The following NCOA2 variants were observed in gnomAD, a reference collection of about 807,000 sequenced individuals.
NCOA2 encodes nuclear receptor coactivator 2, also known as class E basic helix-loop-helix protein 75.
A neutral mutation model predicts 145.1 loss-of-function variants in NCOA2; 21 were observed. The observed-to-expected ratio is 0.14, with a 90% CI of 0.10 to 0.21. NCOA2 has a LOEUF of 0.21. Among genes scored for constraint, NCOA2 ranks in the 10% least tolerant of loss-of-function variants. The probability of loss-of-function intolerance (pLI) is 1.00; values close to 1 mark genes in which losing one functional copy is unlikely to be tolerated. For synonymous variants in NCOA2, 619 were observed against 637.5 expected, an observed-to-expected ratio of 0.97 and a Z score of 0.44; for missense variants, 1,472 against 1,837.6, an observed-to-expected ratio of 0.80 and a Z score of 3.64.
At chr8:70,157,946 A>G (rs1812472994) in intron 10 of NCOA2, among the ~76,000 whole-genome samples, 1 of 152,180 alleles carries the variant, frequency 6.6e-6, no homozygotes, top group Non-Finnish European at 1.5e-5. Flanking sequence ...ACTCCATTCC[A>G]TCTCCTTACT....
At chr8:70,197,852 A>T (rs1162389732) in intron 4 of NCOA2, among the ~76,000 whole-genome samples, 8 of 139,574 alleles carry the variant, frequency 5.7e-5, no homozygotes, top group African/African-American at 2.2e-4. Flanking sequence ...TTTTTTTTTT[A>T]AAGACAAGGC....
At chr8:70,304,590 T>G (rs142018780) in intron 1 of NCOA2, among the ~76,000 whole-genome samples, 1 of 151,988 alleles carries the variant, frequency 6.6e-6, no homozygotes, top group Non-Finnish European at 1.5e-5. Context: ...TTCAGCCTCC[T>G]GAGTGGCTAG....
chr8:70,142,936 C>A (rs189792535), intron 13 of NCOA2, among the ~76,000 whole-genome samples: 1 of 150,790 alleles, frequency 6.6e-6, no homozygotes, highest in African/African-American at 2.4e-5. Flanking sequence ...CCCTCTCAGT[C>A]TGTGTTTTGT....
intron 4 of NCOA2, among the ~76,000 whole-genome samples, chr8:70,199,097 C>T (rs79723994): frequency 1.3e-5 from 2 of 151,968 alleles, no homozygotes; most frequent in East Asian, 3.9e-4. Context: ...GAAGAAAGGG[C>T]CAAGGTTTAG....
intron 1 of NCOA2, 117 bp downstream of exon 1, chr8:70,403,583 G>T: frequency 3.2e-6 from 1 of 311,620 alleles, no homozygotes. Flanking sequence ...GAGGCGCACG[G>T]CTCTGTCGGA....
chr8:70,294,387 C>G (rs1001855268), intron 2 of NCOA2, among the ~76,000 whole-genome samples: 1 of 152,110 alleles, frequency 6.6e-6, no homozygotes, highest in Admixed American at 6.5e-5. Flanking sequence ...AATGCTGATT[C>G]ATATTAATAG....
chr8:70,303,340 A>T (rs1288747352), intron 1 of NCOA2, among the ~76,000 whole-genome samples: 3 of 152,350 alleles, frequency 2.0e-5, no homozygotes, highest in Admixed American at 6.5e-5. Flanking sequence ...CCTAAAAGAC[A>T]AGAGGAAGAC....
intron 1 of NCOA2, among the ~76,000 whole-genome samples, chr8:70,313,218 G>C (rs944142779): frequency 1.3e-5 from 2 of 152,092 alleles, no homozygotes; most frequent in Admixed American, 6.5e-5. Context: ...TAGCTAATCT[G>C]AATTTATCTT....
intron 4 of NCOA2, among the ~76,000 whole-genome samples, chr8:70,212,181 C>T (rs1429503516): frequency 6.6e-6 from 1 of 151,492 alleles, no homozygotes; most frequent in African/African-American, 2.4e-5. Context: ...AAACCTAAAA[C>T]AAGAAGCTTA....
chr8:70,202,002 T>C (rs982382394), intron 4 of NCOA2, among the ~76,000 whole-genome samples: 2 of 152,244 alleles, frequency 1.3e-5, no homozygotes, highest in African/African-American at 4.8e-5. Context: ...ATAAATATTA[T>C]GATACTTGAC....
Position 70,131,941 on chromosome 8 carries a change from T to C in NCOA2, c.3220A>G (p.Ser1074Gly). Residue 1074 changes from serine (S) to glycine (G), a missense_variant, in exon 16 of 23, where the codon AGT becomes GGT. Physicochemically the swap from Ser to Gly is moderately conservative, Grantham distance 56. This residue lies in a region of NCOA2 where 953 missense variants were observed against 1,062.1 expected (regional missense o/e 0.90). Transcript: ENST00000452400. ...TGGTCCAGGAGAGCTCCCTCATCAC[T>C]CGGAGACTCAGCTGCAGGATGTGGA... ...LCPHPAAESP[S>G]DEGALLDQLY... is the part of the protein sequence containing the mutation. 6.2e-7 allele frequency: 1 copy of C among 1,611,406 alleles called. No homozygotes were observed.
chr8:70,140,593 GTT>G (rs71558582), intron 14 of NCOA2, among the ~76,000 whole-genome samples: 2 of 79,782 alleles, frequency 2.5e-5, no homozygotes. Context: ...TACCACCTAA[GTT>G]TTTTTTTTTT....
chr8:70,304,383 G>C (rs778648335), intron 1 of NCOA2, among the ~76,000 whole-genome samples: 2 of 152,182 alleles, frequency 1.3e-5, no homozygotes, highest in Non-Finnish European at 2.9e-5. Context: ...GTATGTAGCA[G>C]GCTAGACCAT....
At chr8:70,183,847 T>G (rs970160416) in intron 4 of NCOA2, among the ~76,000 whole-genome samples, 1 of 152,202 alleles carries the variant, frequency 6.6e-6, no homozygotes, top group Non-Finnish European at 1.5e-5. Flanking sequence ...CTGTAAGAAA[T>G]GACTTTTTAT....
At chr8:70,251,043 A>C (rs1189927406) in intron 2 of NCOA2, among the ~76,000 whole-genome samples, 1 of 152,216 alleles carries the variant, frequency 6.6e-6, no homozygotes, top group African/African-American at 2.4e-5. Flanking sequence ...CATAGAATTA[A>C]GTCACTTGGG....
At chr8:70,215,315 T>A (rs1819490748) in intron 3 of NCOA2, among the ~76,000 whole-genome samples, 1 of 152,100 alleles carries the variant, frequency 6.6e-6, no homozygotes, top group African/African-American at 2.4e-5. Flanking sequence ...AAAAGACCCC[T>A]GAGCGCCCCA....
In NCOA2 at chr8:70,138,351, A is replaced by C. The variant is rs1442518505; in HGVS notation, c.3029-19T>G. On this transcript the variant is annotated intron_variant, in intron 14 of 22. Transcript: ENST00000452400. ...GATGGCCCTAGAAAGGGAGAAGAAA[A>C]AAATCTTACATCTTTAATCAAGGAA... The C allele has an allele frequency of 1.3e-6, 2 of 1,580,168 alleles. No homozygotes were observed. Among genetic ancestry groups the C allele is most frequent in the Non-Finnish European group, 1.7e-6 (2 of 1,165,786 alleles).
intron 1 of NCOA2, among the ~76,000 whole-genome samples, chr8:70,372,542 T>C (rs977308560): frequency 2.6e-5 from 4 of 152,190 alleles, no homozygotes; most frequent in African/African-American, 9.7e-5. Context: ...CTAGGTCATA[T>C]TGTGTGGCTA....
intron 1 of NCOA2, among the ~76,000 whole-genome samples, chr8:70,342,374 T>C (rs1345458803): frequency 6.6e-6 from 1 of 152,192 alleles, no homozygotes; most frequent in African/African-American, 2.4e-5. Flanking sequence ...AAGTCAACTT[T>C]GAAGTTTTCA....
Sources: allele counts gnomAD v4.1 joint callset (sites outside exome capture counted in the v4.1 genomes callset), GRCh38; gene constraint gnomAD v4.1.1; regional missense constraint gnomAD v4.1.1; transcripts MANE v1.5; gene names NCBI Gene and HGNC (gene_info 2026-07-23, HGNC 2026-07-21).